SLC47A2: variants seen among roughly 807,000 people sequenced by gnomAD.
SLC47A2 encodes the protein solute carrier family 47 member 2.
A neutral mutation model predicts 67.7 loss-of-function variants in SLC47A2; 52 were observed. The ratio of observed to expected loss-of-function variants is 0.77; its 90% confidence interval spans 0.61 to 0.97. SLC47A2 has a LOEUF of 0.97. SLC47A2 is among the 50% of genes least tolerant of loss of function. The pLI is 0.00. For missense variants in SLC47A2, 676 were observed against 712.3 expected (o/e 0.95, Z 0.58); for synonymous variants, 278 against 292.9 (o/e 0.95, Z 0.52).
intron 16 of SLC47A2, 110 bp downstream of exon 16, chr17:19,679,842 G>T: frequency 1.9e-6 from 2 of 1,049,428 alleles, no homozygotes; most frequent in Non-Finnish European, 2.7e-6. Context: ...AAGAAAAATA[G>T]CTTGGGCTTG....
intron 15 of SLC47A2, 115 bp downstream of exon 15, chr17:19,681,252 T>C: frequency 3.7e-6 from 3 of 803,506 alleles, no homozygotes; most frequent in African/African-American, 3.5e-5. Flanking sequence ...CTGCAGCTTA[T>C]ACCACACTGC....
rs2085831729 is a variant in SLC47A2, at chr17:19,703,120, G to C, written c.1066C>G (p.Gln356Glu). The C allele has an allele frequency of 1.2e-6, 2 of 1,614,180 alleles. No individual in the cohort carries two copies. Among genetic ancestry groups the C allele is most frequent in the African/African-American group, 2.7e-5 (2 of 75,050 alleles). The change falls in exon 12 of 17, where the codon CAG (glutamine) becomes GAG (glutamate). Residue 356 changes from glutamine to glutamate, a missense_variant. Physicochemically the swap from Gln to Glu is conservative, Grantham distance 29. Coordinates refer to ENST00000433844, the MANE Select transcript of SLC47A2 (RefSeq NM_001099646.3). ...TCATTGGTAAAAATATGCCCCAGCT[G>C]ATTTTTCAGGATGCTTATCAGGGTG... The part of the protein sequence containing the change: ...LGTLISILKN[Q>E]LGHIFTNDED...
Position 19,702,604 on chromosome 17 carries a change from C to T in SLC47A2, c.1164+1G>A. On this transcript the variant is annotated splice_donor_variant, in intron 13 of 16. Coordinates refer to ENST00000433844, the MANE Select transcript of SLC47A2 (RefSeq NM_001099646.3). LOFTEE classifies it high-confidence loss of function. ...AGGCTTTGGATCAAAGTGGTACTTA[C>T]ACAGATGGCCTCAAACACGTGAAAG... 1.2e-6 allele frequency: 2 copies of T among 1,613,834 alleles called. No homozygotes were observed. Among genetic ancestry groups the T allele is most frequent in the Non-Finnish European group, 1.7e-6 (2 of 1,179,928 alleles).
At chr17:19,715,282 C>T in intron 1 of SLC47A2, 65 bp from the exon 2 acceptor site, 1 of 1,445,604 alleles carries the variant, frequency 6.9e-7, no homozygotes, top group Non-Finnish European at 9.6e-7. Flanking sequence ...CCCTGCAAGA[C>T]AGGCCTCTCC....
Position 19,716,220 on chromosome 17 carries a change from G to A in SLC47A2, c.123+213C>T, listed in dbSNP as rs1050758253. On this transcript the variant is annotated intron_variant, in intron 1 of 16. Coordinates refer to ENST00000433844, the MANE Select transcript of SLC47A2 (RefSeq NM_001099646.3). ...CCCTTCTGTGTGGGGGCTGCCTGCT[G>A]CTGAGCAAAGTCAGGCCCCACTGCC... 5.6e-6 allele frequency: 4 copies of A among 711,150 alleles called. No individual in the cohort carries two copies. In the African/African-American group the frequency reaches 7.2e-5, roughly 13 times the overall value. 44.1% of individuals were successfully genotyped at this position (711,150 alleles called of 1,614,324 possible). A position where few individuals can be genotyped will look rare whatever the true frequency, so the allele number is the denominator to read the frequency against.
At chr17:19,716,665 G>A (rs947570381), upstream of SLC47A2, 9 of 1,426,686 alleles carry the variant, frequency 6.3e-6, no homozygotes, top group East Asian at 1.3e-4. Context: ...CCTGGCTGAT[G>A]AGTAAGGGGC....
chr17:19,681,705 A>T (rs1567614362), intron 13 of SLC47A2, 35 bp from the exon 14 acceptor site: 3 of 1,589,536 alleles, frequency 1.9e-6, no homozygotes, highest in African/African-American at 1.3e-5. Flanking sequence ...AAGAGTCAGG[A>T]TGATGAGACT....
chr17:19,693,632 TAATA>T (rs1555538809), intron 13 of SLC47A2, among the ~76,000 whole-genome samples: 4 of 149,734 alleles, frequency 2.7e-5, no homozygotes, highest in Non-Finnish European at 4.4e-5. Flanking sequence ...ATAATAATAA[TAATA>T]AATAAATAAA....
chr17:19,702,565 T>G, intron 13 of SLC47A2, 40 bp downstream of exon 13: 1 of 1,611,056 alleles, frequency 6.2e-7, no homozygotes, highest in Non-Finnish European at 8.5e-7. Flanking sequence ...ACATAAATCA[T>G]GTCCCAGGGA....
chr17:19,690,878 G>A (rs1178116131), intron 13 of SLC47A2, among the ~76,000 whole-genome samples: 1 of 152,076 alleles, frequency 6.6e-6, no homozygotes, highest in African/African-American at 2.4e-5. Context: ...CCAGCACCTT[G>A]GGGGGTCGAG....
At chr17:19,681,332 G>C (rs2085309400) in intron 15 of SLC47A2, 35 bp downstream of exon 15, 1 of 1,539,220 alleles carries the variant, frequency 6.5e-7, no homozygotes, top group African/African-American at 1.4e-5. Context: ...TCAGGTGCAG[G>C]GTGTCTTGTG....
At chr17:19,681,746 C>G (rs2085321020) in intron 13 of SLC47A2, 76 bp from the exon 14 acceptor site, 10 of 1,526,422 alleles carry the variant, frequency 6.6e-6, no homozygotes, top group Admixed American at 3.9e-5. Flanking sequence ...AGGCACTGTG[C>G]TAAGCCATTC....
At chr17:19,697,155 G>C (rs1275205296) in intron 13 of SLC47A2, among the ~76,000 whole-genome samples, 1 of 152,056 alleles carries the variant, frequency 6.6e-6, no homozygotes, top group Non-Finnish European at 1.5e-5. Context: ...AAATTAGCCA[G>C]GTGTAGGTGG....
intron 10 of SLC47A2, chr17:19,704,886 C>T (rs748047492): frequency 5.5e-4 from 255 of 461,792 alleles, no homozygotes; most frequent in Middle Eastern, 1.2e-3. Context: ...AGTGCAGTGG[C>T]ACGATCTCGG....
chr17:19,707,660 C>T (rs1597629910), intron 8 of SLC47A2, 86 bp downstream of exon 8: 8 of 1,198,938 alleles, frequency 6.7e-6, no homozygotes, highest in African/African-American at 1.5e-5. Flanking sequence ...CTACTGCACC[C>T]TCTGCCTGCT....
intron 1 of SLC47A2, 191 bp downstream of exon 1, chr17:19,716,242 T>C (rs2086262084): frequency 1.1e-6 from 1 of 897,174 alleles, no homozygotes. Flanking sequence ...CAGGCCCCAC[T>C]GCCACTGGGG....
In SLC47A2 at chr17:19,702,814, G is replaced by T. The variant is rs193041435; in HGVS notation, c.1095-140C>A. On this transcript the variant is annotated intron_variant, in intron 12 of 16. Transcript: ENST00000433844. ...GCCCCACACAAATGTAACTGGCACT[G>T]CTAGCCCAGAGTTTTCTGTGTCTGT... is the stretch of plus-strand genomic sequence containing the variant. 1.4e-4 allele frequency: 145 copies of T among 1,009,268 alleles called. 1 individual carries two copies. In the Admixed American group the frequency reaches 3.1e-3, roughly 21 times the overall value. 62.5% of individuals were successfully genotyped at this position (1,009,268 alleles called of 1,614,324 possible). A position where few individuals can be genotyped will look rare whatever the true frequency, so the allele number is the denominator to read the frequency against.
At chr17:19,688,722 T>C (rs999947543) in intron 13 of SLC47A2, among the ~76,000 whole-genome samples, 5 of 152,070 alleles carry the variant, frequency 3.3e-5, no homozygotes, top group African/African-American at 9.7e-5. Flanking sequence ...GCCTGGCTAA[T>C]TTTTGTATTT....
At chr17:19,717,919 C>T (rs2086299339), upstream of SLC47A2, 1 of 152,230 alleles carries the variant, frequency 6.6e-6, no homozygotes, top group East Asian at 1.9e-4. Flanking sequence ...CAAATAGTAC[C>T]TTTACCACCT....
Sources: gnomAD v4.1 joint callset for allele counts (sites outside exome capture counted in the v4.1 genomes callset) on GRCh38, gnomAD v4.1.1 for gene constraint, MANE v1.5 for transcripts, NCBI Gene and HGNC (gene_info 2026-07-23, HGNC 2026-07-21) for gene names.